SEMA3E: variants seen among roughly 807,000 people sequenced by gnomAD.
SEMA3E encodes semaphorin 3E.
In SEMA3E, 49 loss-of-function variants were observed where a neutral mutation model predicts 93.6. The ratio of observed to expected loss-of-function variants is 0.52; its 90% CI spans 0.42 to 0.66. The LOEUF is 0.66. Ranked by LOEUF, SEMA3E falls within the 30% of genes least tolerant of loss-of-function variation. The pLI, the probability that SEMA3E is intolerant of heterozygous loss-of-function variation, is 0.00. For synonymous variants in SEMA3E, 363 were observed against 330.7 expected (o/e 1.10, Z -1.06); for missense variants, 906 against 964.8 (o/e 0.94, Z 0.81).
Position 83,543,043 on chromosome 7 carries a change from G to A in SEMA3E, c.116-52769C>T, listed in dbSNP as rs951153163. On this transcript the variant is annotated intron_variant, in intron 1 of 16. Coordinates refer to ENST00000643230, the MANE Select transcript of SEMA3E (RefSeq NM_012431.3). ...AGGCTTTAGGGAAGTTACTTACTAT[G>A]TTAATATGGGCCTCAGTTTTTCCTA... Among the ~76,000 whole-genome samples, 9 of 152,122 alleles carry A rather than the reference G, an allele frequency of 5.9e-5. 1 individual carries two copies. The highest frequency in any genetic ancestry group is 6.6e-5 in the Admixed American group (1 of 15,260).
chr7:83,455,213 T>C (rs533146199), intron 4 of SEMA3E, among the ~76,000 whole-genome samples: 14 of 152,272 alleles, frequency 9.2e-5, no homozygotes, highest in African/African-American at 3.4e-4. Context: ...ACTGAGAAAA[T>C]ATACTGTACC....
At chr7:83,615,927 TC>T (rs1310902388) in intron 1 of SEMA3E, among the ~76,000 whole-genome samples, 10 of 152,046 alleles carry the variant, frequency 6.6e-5, no homozygotes, top group Non-Finnish European at 1.0e-4. Context: ...CAGAATTTTT[TC>T]ATCAGGAGAG....
intron 1 of SEMA3E, among the ~76,000 whole-genome samples, chr7:83,614,049 A>G (rs978662452): frequency 1.3e-5 from 2 of 152,056 alleles, no homozygotes; most frequent in African/African-American, 4.8e-5. Flanking sequence ...TATTTTCTCT[A>G]CCCTTCAGTC....
At chr7:83,528,517 T>C (rs1791217316) in intron 1 of SEMA3E, among the ~76,000 whole-genome samples, 1 of 152,080 alleles carries the variant, frequency 6.6e-6, no homozygotes, top group African/African-American at 2.4e-5. Context: ...CATAGATAAG[T>C]AATATTGCCA....
chr7:83,590,615 A>T (rs1792738240), intron 1 of SEMA3E, among the ~76,000 whole-genome samples: 1 of 152,150 alleles, frequency 6.6e-6, no homozygotes, highest in African/African-American at 2.4e-5. Flanking sequence ...CCCAATTAAA[A>T]TGAGGGATAA....
At chr7:83,648,372 T>C (rs1794107214) in intron 1 of SEMA3E, 56 bp downstream of exon 1, 1 of 1,361,076 alleles carries the variant, frequency 7.3e-7, no homozygotes, top group East Asian at 2.4e-5. Flanking sequence ...TTTTTTTTCT[T>C]TTTTCTTTTT....
chr7:83,467,932 T>G (rs1353556119), intron 3 of SEMA3E, among the ~76,000 whole-genome samples: 2 of 152,214 alleles, frequency 1.3e-5, no homozygotes, highest in Non-Finnish European at 2.9e-5. Context: ...CAAAATCAAC[T>G]TGGCTAAATT....
intron 1 of SEMA3E, among the ~76,000 whole-genome samples, chr7:83,645,455 G>A (rs916514509): frequency 2.0e-5 from 3 of 151,876 alleles, no homozygotes; most frequent in Non-Finnish European, 4.4e-5. Flanking sequence ...TTTAATCTTT[G>A]CTACATTTTT....
intron 1 of SEMA3E, among the ~76,000 whole-genome samples, chr7:83,516,363 T>C (rs1028171075): frequency 6.6e-6 from 1 of 152,168 alleles, no homozygotes; most frequent in African/African-American, 2.4e-5. Flanking sequence ...ACAAAGACAA[T>C]GTAAAAATAT....
At chr7:83,635,994 G>A (rs1017475330) in intron 1 of SEMA3E, among the ~76,000 whole-genome samples, 2 of 151,414 alleles carry the variant, frequency 1.3e-5, no homozygotes, top group African/African-American at 4.9e-5. Context: ...GCTTTGTCAT[G>A]GTATTCTTGT....
chr7:83,621,448 TC>T (rs1403464306), intron 1 of SEMA3E, among the ~76,000 whole-genome samples: 8 of 151,956 alleles, frequency 5.3e-5, no homozygotes, highest in African/African-American at 1.9e-4. Context: ...TCAATGCCAT[TC>T]CCATTAAACT....
rs569013213 is a variant in SEMA3E at position 83,527,723 on chromosome 7, T to C, written c.116-37449A>G. Reference sequence around the variant, plus strand: ...TTCTTGAGCTAAGATAGCATTTTCATGAAGTATTTTCCCAGAATCATATAT... The same window carrying C: ...TTCTTGAGCTAAGATAGCATTTTCACGAAGTATTTTCCCAGAATCATATAT... On this transcript the variant is annotated intron_variant, in intron 1 of 16. Coordinates refer to ENST00000643230, the MANE Select transcript of SEMA3E (RefSeq NM_012431.3). Among the ~76,000 whole-genome samples, 6 of 152,138 alleles carry C rather than the reference T, an allele frequency of 3.9e-5. No homozygotes were observed. In the South Asian group the frequency reaches 1.0e-3, roughly 26 times the overall value.
At chr7:83,451,756 T>G (rs1323237783) in intron 4 of SEMA3E, among the ~76,000 whole-genome samples, 3 of 152,242 alleles carry the variant, frequency 2.0e-5, no homozygotes, top group Non-Finnish European at 4.4e-5. Flanking sequence ...AATCACAATT[T>G]ACTATGTGAA....
At chr7:83,535,186 A>T (rs1005981644) in intron 1 of SEMA3E, among the ~76,000 whole-genome samples, 1 of 152,146 alleles carries the variant, frequency 6.6e-6, no homozygotes. Context: ...AAAGACTCTT[A>T]CTGAGTCTCA....
At chr7:83,622,048 A>G (rs928431684) in intron 1 of SEMA3E, among the ~76,000 whole-genome samples, 2 of 152,236 alleles carry the variant, frequency 1.3e-5, no homozygotes, top group African/African-American at 4.8e-5. Flanking sequence ...ATCAGAGTGA[A>G]CAGACAACAT....
At chr7:83,392,787 G>A in intron 13 of SEMA3E, 66 bp from the exon 14 acceptor site, 2 of 1,424,510 alleles carry the variant, frequency 1.4e-6, no homozygotes, top group Middle Eastern at 2.1e-4. Context: ...ATTACACCTA[G>A]TTTTCACATT....
chr7:83,431,611 C>T (rs1788885043), intron 4 of SEMA3E, among the ~76,000 whole-genome samples: 1 of 152,078 alleles, frequency 6.6e-6, no homozygotes, highest in Non-Finnish European at 1.5e-5. Context: ...GCCATGTTGG[C>T]CTGGCTGGTC....
At position 83,624,295 on chromosome 7, in the gene SEMA3E, G is replaced by A. The variant is rs187974441; in HGVS notation, c.115+24133C>T. ...TCTAGTTGTAGGTCCTTGAGGAATC[G>A]TCACACTGTCTTCAACAATGGTTGA... On this transcript the variant is annotated intron_variant, in intron 1 of 16. Coordinates refer to ENST00000643230, the MANE Select transcript of SEMA3E (RefSeq NM_012431.3). 7.7e-4 allele frequency among the ~76,000 whole-genome samples: 117 copies of A among 152,272 alleles called. 1 individual carries two copies. Among genetic ancestry groups the A allele is most frequent in the African/African-American group, 1.5e-3 (63 of 41,548 alleles).
At chr7:83,568,875 G>A (rs2115860615) in intron 1 of SEMA3E, among the ~76,000 whole-genome samples, 1 of 152,138 alleles carries the variant, frequency 6.6e-6, no homozygotes, top group Non-Finnish European at 1.5e-5. Flanking sequence ...CCTAGTCAGA[G>A]CAATAGACAA....
Sources: allele counts gnomAD v4.1 joint callset (sites outside exome capture counted in the v4.1 genomes callset), GRCh38; gene constraint gnomAD v4.1.1; transcripts MANE v1.5; gene names NCBI Gene and HGNC (gene_info 2026-07-23, HGNC 2026-07-21).